Variants in FGD4 observed in about 807,000 individuals in gnomAD.
FGD4 encodes FYVE, RhoGEF and PH domain-containing protein 4.
Under a neutral mutation model 102.0 loss-of-function variants are expected in FGD4, and 42 were observed. The ratio of observed to expected loss-of-function variants is 0.41; its 90% confidence interval spans 0.32 to 0.53. The LOEUF (loss-of-function observed/expected upper bound fraction) is 0.53, where lower values mean the gene tolerates loss of function less well. FGD4 is among the 20% of genes least tolerant of loss of function. The pLI is 0.21. For missense variants in FGD4, 902 were observed against 1,078.2 expected, an observed-to-expected ratio of 0.84 and a Z score of 2.29; for synonymous variants, 380 against 375.7, an observed-to-expected ratio of 1.01 and a Z score of -0.13.
Position 32,564,293 on chromosome 12 carries a change from T to C in FGD4, c.319+4T>C. The stretch of plus-strand genomic sequence containing the variant: ...GCTGCAAGTCCAAAGCCACAAGGTA[T>C]GCTCACTGGGAGTTTGTGTTCGGGG... On this transcript the variant is annotated splice_donor_region_variant and intron_variant, in intron 2 of 16. Coordinates refer to ENST00000534526, the MANE Select transcript of FGD4 (RefSeq NM_001370298.3). 1 of 1,535,714 alleles carries C rather than the reference T, an allele frequency of 6.5e-7. No individual in the cohort carries two copies. Among genetic ancestry groups the C allele is most frequent in the Non-Finnish European group, 8.7e-7 (1 of 1,146,702 alleles).
At chr12:32,417,485 T>A (rs1446088194) in intron 1 of FGD4, among the ~76,000 whole-genome samples, 2 of 151,842 alleles carry the variant, frequency 1.3e-5, no homozygotes, top group Non-Finnish European at 1.5e-5. Flanking sequence ...TGAGACAGAG[T>A]CTCACTCTGT....
chr12:32,399,731 AG>A lies in FGD4; in HGVS notation c.-59del. ...CCTGGGCATGCAGGCGACGCCCCCC[AG>A]GGGCCGCTCGCGGCTGGACGGGAGC... On this transcript the variant is annotated 5_prime_UTR_variant, in exon 1 of 17. Coordinates refer to ENST00000534526, the MANE Select transcript of FGD4 (RefSeq NM_001370298.3). 2 of 1,510,956 alleles carry A rather than the reference AG, an allele frequency of 1.3e-6. No individual in the cohort carries two copies. The highest frequency in any genetic ancestry group is 2.6e-5 in the East Asian group (1 of 38,158). 93.6% of individuals were successfully genotyped at this position (1,510,956 alleles called of 1,614,324 possible).
intron 1 of FGD4, among the ~76,000 whole-genome samples, chr12:32,559,172 A>G (rs1944340842): frequency 6.6e-6 from 1 of 152,206 alleles, no homozygotes; most frequent in Non-Finnish European, 1.5e-5. Context: ...ACACCCAAAT[A>G]AGGACTGTTT....
At chr12:32,554,317 T>C (rs973860111) in intron 1 of FGD4, among the ~76,000 whole-genome samples, 1 of 152,238 alleles carries the variant, frequency 6.6e-6, no homozygotes, top group Non-Finnish European at 1.5e-5. Flanking sequence ...TTGAATGTTT[T>C]GGATTTTAGA....
chr12:32,556,858 G>A (rs941351118), intron 1 of FGD4: 2 of 152,042 alleles, frequency 1.3e-5, no homozygotes, highest in African/African-American at 2.4e-5. Flanking sequence ...ATATGTTTTT[G>A]TTTTTTGTTT....
chr12:32,602,110 G>A (rs1370826875), intron 6 of FGD4, 51 bp from the exon 7 acceptor site: 1 of 1,579,348 alleles, frequency 6.3e-7, no homozygotes, highest in Non-Finnish European at 8.7e-7. Context: ...ACAAGACCCT[G>A]TCTCAAAAAA....
intron 1 of FGD4, among the ~76,000 whole-genome samples, chr12:32,453,547 T>C (rs187402615): frequency 4.0e-4 from 61 of 152,136 alleles, no homozygotes; most frequent in Admixed American, 4.0e-3. Context: ...GATCTCTTAA[T>C]TTATCATTAG....
In FGD4 at chr12:32,608,979, C is replaced by T. The variant is rs553613605; in HGVS notation, c.1543+884C>T. ...TTGCCCAGGCTGGAGTGCAGTGGCG[C>T]GATCTTAGCTCACTGCAACCTCCAC... On this transcript the variant is annotated intron_variant, in intron 8 of 16. Coordinates refer to ENST00000534526, the MANE Select transcript of FGD4 (RefSeq NM_001370298.3). Among the ~76,000 whole-genome samples the T allele has an allele frequency of 2.2e-4, 33 of 152,230 alleles. 1 individual carries two copies. In the East Asian group the frequency reaches 6.2e-3, roughly 28 times the overall value.
intron 16 of FGD4, among the ~76,000 whole-genome samples, chr12:32,639,393 AC>A (rs1951034108): frequency 6.6e-6 from 1 of 152,084 alleles, no homozygotes; most frequent in Admixed American, 6.6e-5. Flanking sequence ...TGAACTCCTG[AC>A]CTCAGGTGAT....
intron 14 of FGD4, among the ~76,000 whole-genome samples, chr12:32,631,398 A>G (rs1950490665): frequency 6.6e-6 from 1 of 152,184 alleles, no homozygotes; most frequent in Non-Finnish European, 1.5e-5. Context: ...TAAGTGCAAC[A>G]ATTCATATTG....
chr12:32,501,076 A>T (rs2136618837), intron 1 of FGD4, among the ~76,000 whole-genome samples: 1 of 152,296 alleles, frequency 6.6e-6, no homozygotes, highest in South Asian at 2.1e-4. Context: ...CTGCCTAGAG[A>T]GCTCAGGGAA....
chr12:32,445,961 C>T (rs1456791870), intron 1 of FGD4, among the ~76,000 whole-genome samples: 1 of 152,138 alleles, frequency 6.6e-6, no homozygotes, highest in Non-Finnish European at 1.5e-5. Flanking sequence ...AAGTCCAGGA[C>T]TTCGAGACCA....
intron 10 of FGD4, among the ~76,000 whole-genome samples, chr12:32,617,451 A>G (rs1335403140): frequency 1.3e-5 from 2 of 152,232 alleles, no homozygotes; most frequent in Admixed American, 1.3e-4. Flanking sequence ...AACAAATTGA[A>G]TTATTTCAGT....
chr12:32,596,802 G>C (rs995121302), intron 4 of FGD4, among the ~76,000 whole-genome samples: 1 of 151,886 alleles, frequency 6.6e-6, no homozygotes, highest in Non-Finnish European at 1.5e-5. Flanking sequence ...GGCCGTCGTG[G>C]TGCATGCCTG....
Position 32,587,462 on chromosome 12 carries a change from C to A in FGD4, c.1011+4995C>A, listed in dbSNP as rs189609633. ...CTGGAGTGCGGTGACGCTATCTCGG[C>A]TCACTACAACCTCCACGTCCTAGGT... On this transcript the variant is annotated intron_variant, in intron 4 of 16. Coordinates refer to ENST00000534526, the MANE Select transcript of FGD4 (RefSeq NM_001370298.3). Among the ~76,000 whole-genome samples the A allele has an allele frequency of 1.6e-3, 249 of 152,180 alleles. 2 individuals are homozygous for A. Among genetic ancestry groups the A allele is most frequent in the African/African-American group, 5.8e-3 (239 of 41,506 alleles).
At chr12:32,610,477 G>A (rs1949069084) in intron 8 of FGD4, among the ~76,000 whole-genome samples, 1 of 152,190 alleles carries the variant, frequency 6.6e-6, no homozygotes, top group Non-Finnish European at 1.5e-5. Context: ...CTCAAGAGAT[G>A]AACTAAGGAA....
In FGD4 at chr12:32,559,852, C is replaced by T. The variant is rs772344840; in HGVS notation, c.167-4285C>T. Among the ~76,000 whole-genome samples, 24 of 152,216 alleles carry T rather than the reference C, an allele frequency of 1.6e-4. 1 individual carries two copies. Among genetic ancestry groups the T allele is most frequent in the South Asian group, 4.1e-4 (2 of 4,822 alleles). The stretch of plus-strand genomic sequence containing the variant: ...TGATGACCTTTTTAAAAAGACTCAA[C>T]GTAATTTGTTTTCTCATTTAACCCA... On this transcript the variant is annotated intron_variant, in intron 1 of 16. Coordinates refer to ENST00000534526, the MANE Select transcript of FGD4 (RefSeq NM_001370298.3).
intron 1 of FGD4, among the ~76,000 whole-genome samples, chr12:32,473,732 C>T (rs967698351): frequency 2.0e-5 from 3 of 152,128 alleles, no homozygotes; most frequent in African/African-American, 7.2e-5. Context: ...CTTTCCACCC[C>T]AACATATAAT....
chr12:32,485,918 G>A, intron 1 of FGD4: 9 of 1,270,462 alleles, frequency 7.1e-6, no homozygotes, highest in Non-Finnish European at 7.9e-6. Flanking sequence ...AGTTCCTTGA[G>A]CCTGCATCAC....
Sources: allele counts gnomAD v4.1 joint callset (sites outside exome capture counted in the v4.1 genomes callset), GRCh38; gene constraint gnomAD v4.1.1; transcripts MANE v1.5; gene names NCBI Gene and HGNC (gene_info 2026-07-23, HGNC 2026-07-21).